MECOM: variants seen among roughly 807,000 people sequenced by gnomAD.
MECOM encodes the protein histone-lysine N-methyltransferase MECOM.
MECOM carries 13 observed loss-of-function variants against 116.3 expected under a neutral mutation model. The ratio of observed to expected loss-of-function variants is 0.11; its 90% confidence interval spans 0.07 to 0.18. MECOM has a LOEUF of 0.18. Ranked by LOEUF, MECOM falls within the 10% of genes least tolerant of loss-of-function variation. MECOM has a pLI of 1.00. For missense variants in MECOM, 1,299 were observed against 1,509.0 expected (o/e 0.86, Z 2.31); for synonymous variants, 528 against 535.2 (o/e 0.99, Z 0.19).
intron 3 of MECOM, among the ~76,000 whole-genome samples, chr3:169,140,354 G>T (rs1577132267): frequency 6.6e-6 from 1 of 152,040 alleles, no homozygotes; most frequent in South Asian, 2.1e-4. Flanking sequence ...AAAGAGACTT[G>T]GGTATCTTTA....
chr3:169,146,218 ATC>A, intron 2 of MECOM: 2 of 1,126,434 alleles, frequency 1.8e-6, no homozygotes, highest in East Asian at 4.3e-5. Context: ...AAAAAAAAAA[ATC>A]CCCACAATCT....
intron 2 of MECOM, among the ~76,000 whole-genome samples, chr3:169,286,851 C>G (rs1259571769): frequency 6.6e-6 from 1 of 152,116 alleles, no homozygotes; most frequent in Non-Finnish European, 1.5e-5. Flanking sequence ...AGAAGCTGTT[C>G]TTTTCCAATT....
intron 1 of MECOM, among the ~76,000 whole-genome samples, chr3:169,455,460 G>A (rs1746318178): frequency 6.6e-6 from 1 of 152,102 alleles, no homozygotes; most frequent in Admixed American, 6.6e-5. Flanking sequence ...TTGAACAAGT[G>A]GTTCCTATTA....
At chr3:169,300,633 T>G (rs762442324) in intron 2 of MECOM, among the ~76,000 whole-genome samples, 1 of 152,204 alleles carries the variant, frequency 6.6e-6, no homozygotes, top group East Asian at 1.9e-4. Flanking sequence ...ACCTTCTAAG[T>G]GTTCTCTTCT....
At chr3:169,480,527 C>T (rs1437785022) in intron 1 of MECOM, among the ~76,000 whole-genome samples, 1 of 152,114 alleles carries the variant, frequency 6.6e-6, no homozygotes, top group Non-Finnish European at 1.5e-5. Flanking sequence ...GTCACTTTGC[C>T]CGTACCATTT....
chr3:169,340,110 A>G (rs868476764), intron 2 of MECOM, among the ~76,000 whole-genome samples: 1 of 152,204 alleles, frequency 6.6e-6, no homozygotes, highest in Non-Finnish European at 1.5e-5. Context: ...CATTTTTCAC[A>G]TATTTAACAA....
intron 4 of MECOM, among the ~76,000 whole-genome samples, chr3:169,128,351 G>A (rs1733589992): frequency 1.3e-5 from 2 of 152,098 alleles, no homozygotes; most frequent in African/African-American, 4.8e-5. Flanking sequence ...GACTTACTGA[G>A]CATCATATAT....
chr3:169,291,796 T>G (rs1714609764), intron 2 of MECOM, among the ~76,000 whole-genome samples: 1 of 152,240 alleles, frequency 6.6e-6, no homozygotes, highest in Admixed American at 6.5e-5. Context: ...AGATAGCTAC[T>G]CTGCATGTTT....
chr3:169,540,779 A>T (rs7611247), intron 1 of MECOM, among the ~76,000 whole-genome samples: 11,170 of 152,078 alleles, frequency 0.073, 895 homozygotes, highest in African/African-American at 0.2. Context: ...TTCATGTAAT[A>T]CCTCCATGGG....
intron 1 of MECOM, among the ~76,000 whole-genome samples, chr3:169,546,539 C>T (rs1056451292): frequency 3.3e-5 from 5 of 152,114 alleles, no homozygotes; most frequent in Non-Finnish European, 5.9e-5. Flanking sequence ...CTTGGCAGGC[C>T]CACAGAGTTT....
intron 2 of MECOM, among the ~76,000 whole-genome samples, chr3:169,195,092 A>G (rs1264335152): frequency 6.6e-6 from 1 of 152,242 alleles, no homozygotes; most frequent in East Asian, 1.9e-4. Flanking sequence ...CTCTATTTGC[A>G]TGAACTTTTT....
At chr3:169,386,919 T>C (rs745407662) in intron 1 of MECOM, among the ~76,000 whole-genome samples, 14 of 152,216 alleles carry the variant, frequency 9.2e-5, no homozygotes, top group Non-Finnish European at 1.8e-4. Context: ...AGAAACTAAA[T>C]ATTCTTATTT....
intron 1 of MECOM, among the ~76,000 whole-genome samples, chr3:169,620,820 T>C (rs1770622323): frequency 6.6e-6 from 1 of 151,636 alleles, no homozygotes; most frequent in Admixed American, 6.6e-5. Flanking sequence ...AGATCTAGTT[T>C]TTTTAAAGTA....
At chr3:169,367,020 GGAA>G (rs1313350403) in intron 2 of MECOM, among the ~76,000 whole-genome samples, 4 of 152,216 alleles carry the variant, frequency 2.6e-5, no homozygotes, top group Non-Finnish European at 2.9e-5. Context: ...TGTGCCCCCA[GGAA>G]GAAGGAGTCT....
chr3:169,499,745 T>C (rs1754305616), intron 1 of MECOM, among the ~76,000 whole-genome samples: 1 of 152,092 alleles, frequency 6.6e-6, no homozygotes, highest in African/African-American at 2.4e-5. Context: ...TAGGAGTTGA[T>C]GGCAAGATCA....
chr3:169,563,801 C>T (rs1443501536), intron 1 of MECOM, among the ~76,000 whole-genome samples: 2 of 152,136 alleles, frequency 1.3e-5, no homozygotes, highest in Non-Finnish European at 2.9e-5. Flanking sequence ...AGTCAGTTCT[C>T]AAAACTGTCC....
chr3:169,471,259 T>C (rs1749183524), intron 1 of MECOM, among the ~76,000 whole-genome samples: 1 of 152,158 alleles, frequency 6.6e-6, no homozygotes, highest in African/African-American at 2.4e-5. Context: ...CCCAAAGTGC[T>C]GGGGTTACAG....
At chr3:169,420,014 A>G (rs1252521134) in intron 1 of MECOM, among the ~76,000 whole-genome samples, 1 of 152,242 alleles carries the variant, frequency 6.6e-6, no homozygotes, top group Non-Finnish European at 1.5e-5. Context: ...ATAAAAGCTC[A>G]TCATCACTGG....
intron 1 of MECOM, among the ~76,000 whole-genome samples, chr3:169,452,802 C>G (rs1431316263): frequency 1.3e-5 from 2 of 152,134 alleles, no homozygotes; most frequent in Non-Finnish European, 2.9e-5. Flanking sequence ...TCATCATCTA[C>G]TAAAAATTAG....
Sources: allele counts gnomAD v4.1 joint callset (sites outside exome capture counted in the v4.1 genomes callset), GRCh38; gene constraint gnomAD v4.1.1; transcripts MANE v1.5; gene names NCBI Gene and HGNC (gene_info 2026-07-23, HGNC 2026-07-21).